The following SIL1 variants were observed in gnomAD, a reference collection of about 807,000 sequenced individuals.
SIL1 encodes the protein nucleotide exchange factor SIL1.
A neutral mutation model predicts 49.1 loss-of-function variants in SIL1; 40 were observed. The ratio of observed to expected loss-of-function variants is 0.81; its 90% CI spans 0.63 to 1.06. The LOEUF (loss-of-function observed/expected upper bound fraction) is 1.06. Among genes scored for constraint, SIL1 ranks in the 50% least tolerant of loss-of-function variants. SIL1 has a pLI of 0.00. For synonymous variants in SIL1, 253 were observed against 250.8 expected, an observed-to-expected ratio of 1.01 and a Z score of -0.08; for missense variants, 500 against 572.6, an observed-to-expected ratio of 0.87 and a Z score of 1.29.
intron 3 of SIL1, among the ~76,000 whole-genome samples, chr5:139,053,175 T>A (rs1164447824): frequency 6.6e-6 from 1 of 152,084 alleles, no homozygotes; most frequent in Admixed American, 6.6e-5. Flanking sequence ...CCTGGATGAA[T>A]GCTAAACAAG....
At chr5:139,168,504 T>A (rs1472572323) in intron 1 of SIL1, among the ~76,000 whole-genome samples, 2 of 152,174 alleles carry the variant, frequency 1.3e-5, no homozygotes, top group Non-Finnish European at 1.5e-5. Flanking sequence ...GATTGCTGCT[T>A]CTGATTACAG....
intron 5 of SIL1, among the ~76,000 whole-genome samples, chr5:139,036,677 C>A (rs961214365): frequency 4.6e-5 from 7 of 152,110 alleles, no homozygotes; most frequent in African/African-American, 1.4e-4. Flanking sequence ...AGGGGAACAA[C>A]ACACACTGGG....
chr5:139,034,676 A>G (rs1427405613), intron 5 of SIL1, among the ~76,000 whole-genome samples: 1 of 152,220 alleles, frequency 6.6e-6, no homozygotes, highest in Non-Finnish European at 1.5e-5. Context: ...TCAGAAACAG[A>G]TCTTGTCATA....
intron 3 of SIL1, among the ~76,000 whole-genome samples, chr5:139,085,667 G>C (rs1770202085): frequency 6.6e-6 from 1 of 152,150 alleles, no homozygotes; most frequent in Non-Finnish European, 1.5e-5. Context: ...GAACAAGTTT[G>C]GAGGGAAATT....
intron 3 of SIL1, among the ~76,000 whole-genome samples, chr5:139,118,383 G>C (rs1486478431): frequency 6.6e-6 from 1 of 152,180 alleles, no homozygotes; most frequent in African/African-American, 2.4e-5. Context: ...TGTGTACTGA[G>C]TGATTTCTCC....
At chr5:138,981,621 A>G (rs1297137059) in intron 7 of SIL1, among the ~76,000 whole-genome samples, 1 of 152,228 alleles carries the variant, frequency 6.6e-6, no homozygotes, top group African/African-American at 2.4e-5. Context: ...GACTGATGGC[A>G]CATGAAAATA....
At chr5:139,015,164 G>A (rs188916585) in intron 7 of SIL1, among the ~76,000 whole-genome samples, 2 of 151,990 alleles carry the variant, frequency 1.3e-5, no homozygotes, top group Non-Finnish European at 2.9e-5. Context: ...ATTATTTCCT[G>A]AGCACCCACC....
Position 139,021,223 on chromosome 5 carries a change from C to G in SIL1, c.715G>C (p.Glu239Gln), listed in dbSNP as rs2150428182. 3 of 1,614,170 alleles carry G rather than the reference C, an allele frequency of 1.9e-6. No individual in the cohort carries two copies. The highest frequency in any genetic ancestry group is 2.5e-6 in the Non-Finnish European group (3 of 1,180,022). Residue 239 changes from glutamate to glutamine, a missense_variant, in exon 7 of 10, where the codon GAG becomes CAG. By Grantham distance (29) the Glu-to-Gln change is conservative. Transcript: ENST00000394817. ...QVVINGLNST[E>Q]PLVKEYAAFV... ...GCAGCATACTCCTTCACGAGGGGCTCTGTGCTGTTCAGCCCATTGATCACC... is the reference window on the plus strand; with the variant it reads ...GCAGCATACTCCTTCACGAGGGGCTGTGTGCTGTTCAGCCCATTGATCACC...
chr5:138,969,054 G>C (rs1767214428), intron 7 of SIL1, among the ~76,000 whole-genome samples: 1 of 152,068 alleles, frequency 6.6e-6, no homozygotes, highest in Non-Finnish European at 1.5e-5. Flanking sequence ...CTCCTCCTAG[G>C]AATGTCTGTA....
At chr5:138,976,335 C>T (rs975253570) in intron 7 of SIL1, among the ~76,000 whole-genome samples, 23 of 126,106 alleles carry the variant, frequency 1.8e-4, no homozygotes, top group African/African-American at 5.7e-4. Context: ...TTTTTTGAGG[C>T]GGAGTCTCAC....
chr5:139,127,698 C>A, intron 2 of SIL1, 41 bp downstream of exon 2: 2 of 1,529,568 alleles, frequency 1.3e-6, no homozygotes, highest in Non-Finnish European at 1.8e-6. Flanking sequence ...CTTCTCAAGA[C>A]CTCATCAAGG....
At chr5:139,036,277 A>G (rs1214581978) in intron 5 of SIL1, among the ~76,000 whole-genome samples, 3 of 152,088 alleles carry the variant, frequency 2.0e-5, no homozygotes, top group Non-Finnish European at 4.4e-5. Context: ...CAGGGTTTTC[A>G]TAGTTTTAGG....
At chr5:139,141,952 T>G (rs1458513691) in intron 1 of SIL1, among the ~76,000 whole-genome samples, 8 of 152,188 alleles carry the variant, frequency 5.3e-5, no homozygotes, top group Non-Finnish European at 1.5e-5. Flanking sequence ...AAACCCAAGA[T>G]CAGACCATAC....
At chr5:139,033,247 AGCCTCCCAAAGT>A (rs1261490901) in intron 5 of SIL1, among the ~76,000 whole-genome samples, 1 of 151,908 alleles carries the variant, frequency 6.6e-6, no homozygotes, top group East Asian at 2.0e-4. Context: ...TGCCCACCTC[AGCCTCCCAAAGT>A]GCTGGGATTA....
At chr5:139,152,085 A>C (rs915718353) in intron 1 of SIL1, among the ~76,000 whole-genome samples, 3 of 152,182 alleles carry the variant, frequency 2.0e-5, no homozygotes, top group African/African-American at 7.2e-5. Context: ...GCTGCAGCAG[A>C]GGTGGGAGCA....
At chr5:139,138,684 T>G (rs1751024354) in intron 1 of SIL1, among the ~76,000 whole-genome samples, 1 of 152,210 alleles carries the variant, frequency 6.6e-6, no homozygotes, top group East Asian at 1.9e-4. Context: ...CTGTCTATAT[T>G]AAATGAGATG....
intron 1 of SIL1, chr5:139,155,443 C>CAGAGTGAG (rs1554136145): frequency 7.9e-4 from 54 of 68,094 alleles, no homozygotes; most frequent in Admixed American, 7.3e-3. Flanking sequence ...CACACGTACA[C>CAGAGTGAG]AGAGTGAGAG....
intron 3 of SIL1, among the ~76,000 whole-genome samples, chr5:139,068,962 A>T (rs1769768764): frequency 6.6e-6 from 1 of 152,206 alleles, no homozygotes; most frequent in African/African-American, 2.4e-5. Flanking sequence ...AACAAAAATC[A>T]GAAATGAGGT....
intron 7 of SIL1, among the ~76,000 whole-genome samples, chr5:139,000,781 T>G (rs1299727505): frequency 2.0e-5 from 3 of 151,956 alleles, no homozygotes; most frequent in Non-Finnish European, 2.9e-5. Context: ...ATAAGCAATG[T>G]GAAATGACCC....
Sources: gnomAD v4.1 joint callset for allele counts (sites outside exome capture counted in the v4.1 genomes callset) on GRCh38, gnomAD v4.1.1 for gene constraint, MANE v1.5 for transcripts, NCBI Gene and HGNC (gene_info 2026-07-23, HGNC 2026-07-21) for gene names.